Variants in ATP6V0A4 observed in about 807,000 individuals in gnomAD.
ATP6V0A4 encodes ATPase H+ transporting V0 subunit a4.
In ATP6V0A4, 86 loss-of-function variants were observed where a neutral mutation model predicts 107.3. The observed-to-expected ratio is 0.80, with a 90% CI of 0.67 to 0.96. ATP6V0A4 has a LOEUF of 0.96. ATP6V0A4 is among the 40% of genes least tolerant of loss of function. The pLI, the probability that ATP6V0A4 is intolerant of heterozygous loss-of-function variation, is 0.00. For synonymous variants in ATP6V0A4, 353 were observed against 381.4 expected (o/e 0.93, Z 0.87); for missense variants, 908 against 1,045.6 (o/e 0.87, Z 1.81).
intron 18 of ATP6V0A4, among the ~76,000 whole-genome samples, chr7:138,722,433 GGC>G (rs1247660240): frequency 1.3e-5 from 2 of 152,102 alleles, no homozygotes; most frequent in Admixed American, 1.3e-4. Context: ...GGGAGGCGGA[GGC>G]TGGCAGATCA....
chr7:138,734,291 G>A (rs1805191556), intron 15 of ATP6V0A4, 37 bp from the exon 16 acceptor site: 1 of 1,610,794 alleles, frequency 6.2e-7, no homozygotes, highest in Admixed American at 1.7e-5. Context: ...AAGTGAGAGA[G>A]AGTCTTAGAA....
chr7:138,754,326 T>C (rs1428382527), intron 10 of ATP6V0A4, among the ~76,000 whole-genome samples: 1 of 150,924 alleles, frequency 6.6e-6, no homozygotes, highest in Non-Finnish European at 1.5e-5. Context: ...CGCATGCCTG[T>C]AATCCCAGCT....
At chr7:138,784,289 T>C (rs6467801) in intron 2 of ATP6V0A4, among the ~76,000 whole-genome samples, 8,921 of 43,506 alleles carry the variant, frequency 0.21, 809 homozygotes, top group African/African-American at 0.36. Context: ...TACATATATA[T>C]ACACACACAC....
chr7:138,729,355 G>A (rs1804874137), intron 17 of ATP6V0A4, among the ~76,000 whole-genome samples: 1 of 152,076 alleles, frequency 6.6e-6, no homozygotes, highest in African/African-American at 2.4e-5. Flanking sequence ...AATTATCTGA[G>A]CTCTCTTGCT....
chr7:138,763,482 G>T (rs1322202589), intron 5 of ATP6V0A4, among the ~76,000 whole-genome samples: 1 of 151,920 alleles, frequency 6.6e-6, no homozygotes, highest in Non-Finnish European at 1.5e-5. Context: ...AGAAAAATTA[G>T]CCAGGAATGG....
At chr7:138,714,667 G>A (rs997239351) in intron 20 of ATP6V0A4, among the ~76,000 whole-genome samples, 1 of 152,198 alleles carries the variant, frequency 6.6e-6, no homozygotes, top group Non-Finnish European at 1.5e-5. Context: ...CACAAAGGTG[G>A]TGAGCACTTC....
Position 138,760,464 on chromosome 7 carries a change from AG to A in ATP6V0A4, c.513-587del, listed in dbSNP as rs1433686451. On this transcript the variant is annotated intron_variant, in intron 7 of 21. Transcript: ENST00000310018. ...TGTCTCAAAAAAAAAAAAAAAAAAA[AG>A]AATATGATAGACCATTCATCATGCA... Among the ~76,000 whole-genome samples the A allele has an allele frequency of 4.0e-5, 6 of 151,136 alleles. No homozygotes were observed. In the East Asian group the frequency reaches 7.7e-4, roughly 19 times the overall value.
At chr7:138,759,258 T>C (rs1806668150) in intron 8 of ATP6V0A4, among the ~76,000 whole-genome samples, 3 of 151,754 alleles carry the variant, frequency 2.0e-5, no homozygotes, top group Admixed American at 2.0e-4. Context: ...TCTTGCTATG[T>C]TGCCCAGGCT....
At chr7:138,789,101 T>C (rs1369442682) in intron 1 of ATP6V0A4, among the ~76,000 whole-genome samples, 1 of 152,216 alleles carries the variant, frequency 6.6e-6, no homozygotes, top group African/African-American at 2.4e-5. Flanking sequence ...CTTCTTTGTG[T>C]CCTGACCATC....
At chr7:138,797,938 C>T in intron 1 of ATP6V0A4, 96 bp downstream of exon 1, 1 of 1,526,358 alleles carries the variant, frequency 6.6e-7, no homozygotes, top group South Asian at 1.2e-5. Flanking sequence ...GCCAAGTTTC[C>T]TTTGCTCCAC....
chr7:138,715,651 G>T, intron 20 of ATP6V0A4, 113 bp downstream of exon 20: 1 of 1,426,898 alleles, frequency 7.0e-7, no homozygotes, highest in Non-Finnish European at 9.8e-7. Context: ...TCATTCTTTT[G>T]GCAAACATCC....
intron 14 of ATP6V0A4, 91 bp from the exon 15 acceptor site, chr7:138,739,724 A>C (rs1351120509): frequency 2.9e-5 from 45 of 1,560,152 alleles, no homozygotes; most frequent in South Asian, 2.3e-4. Flanking sequence ...TGCCCATCAA[A>C]GTCCAACTAC....
intron 1 of ATP6V0A4, among the ~76,000 whole-genome samples, chr7:138,787,239 C>G (rs1299108906): frequency 6.6e-6 from 1 of 152,200 alleles, no homozygotes; most frequent in African/African-American, 2.4e-5. Flanking sequence ...ATAGCAAAAC[C>G]CTTTCTGGGC....
At chr7:138,720,785 C>CA (rs777615651) in intron 19 of ATP6V0A4, among the ~76,000 whole-genome samples, 14 of 152,086 alleles carry the variant, frequency 9.2e-5, no homozygotes, top group Non-Finnish European at 1.6e-4. Flanking sequence ...TATAGGTGCT[C>CA]ACCACCATGC....
At chr7:138,745,658 C>CAAAAAAAAAAAAA (rs566336992) in intron 13 of ATP6V0A4, among the ~76,000 whole-genome samples, 9 of 42,736 alleles carry the variant, frequency 2.1e-4, no homozygotes, top group East Asian at 1.7e-3. Flanking sequence ...GCCTGTGTCT[C>CAAAAAAAAAAAAA]AAAAAAAAAA....
chr7:138,740,961 T>A (rs1336672903), intron 14 of ATP6V0A4, among the ~76,000 whole-genome samples: 2 of 150,896 alleles, frequency 1.3e-5, no homozygotes, highest in African/African-American at 4.9e-5. Flanking sequence ...TGGCCAACAA[T>A]GGTGAAACCC....
Position 138,709,702 on chromosome 7 carries a change from A to G in ATP6V0A4, c.2351T>C (p.Val784Ala). The change falls in exon 21 of 22, where the codon GTA becomes GCA. Residue 784 changes from valine (V) to alanine (A), a missense_variant. Physicochemically the swap from Val to Ala is moderately conservative, Grantham distance 64 (BLOSUM62 0). Coordinates refer to ENST00000310018, the MANE Select transcript of ATP6V0A4 (RefSeq NM_020632.3). ...GATGGCTACTGTCAGGACAGCAAAT[A>G]CGGCAAAAATAATAAAAACCCCGAC... ...GIVGVFIIFA[V>A]FAVLTVAILL... The G allele has an allele frequency of 3.1e-6, 5 of 1,613,874 alleles. No homozygotes were observed. Among genetic ancestry groups the G allele is most frequent in the Non-Finnish European group, 4.2e-6 (5 of 1,179,926 alleles).
chr7:138,736,323 T>C (rs1217256232), intron 15 of ATP6V0A4, among the ~76,000 whole-genome samples: 1 of 152,330 alleles, frequency 6.6e-6, no homozygotes, highest in East Asian at 1.9e-4. Context: ...TTTAGATGTG[T>C]TTATCTCATT....
At chr7:138,763,207 ACACACGTG>A in intron 5 of ATP6V0A4, 182 bp from the exon 6 acceptor site, 2 of 366,180 alleles carry the variant, frequency 5.5e-6, no homozygotes, top group Non-Finnish European at 3.8e-6. Flanking sequence ...ACACACACAC[ACACACGTG>A]CATGCTCTCT....
Sources: allele counts gnomAD v4.1 joint callset (sites outside exome capture counted in the v4.1 genomes callset), GRCh38; gene constraint gnomAD v4.1.1; transcripts MANE v1.5; gene names NCBI Gene and HGNC (gene_info 2026-07-23, HGNC 2026-07-21).